RALA: variants seen among roughly 807,000 people sequenced by gnomAD.
RALA encodes the protein ras-related protein Ral-A.
A neutral mutation model predicts 24.0 loss-of-function variants in RALA; 5 were observed. That is an observed-to-expected ratio of 0.21 (90% confidence interval 0.11 to 0.44). The LOEUF (loss-of-function observed/expected upper bound fraction) is 0.44. Ranked by LOEUF, RALA falls within the 20% of genes least tolerant of loss-of-function variation. The pLI, the probability that RALA is intolerant of heterozygous loss-of-function variation, is 0.99. For missense variants in RALA, 95 were observed against 241.2 expected, an observed-to-expected ratio of 0.39 and a Z score of 4.01; for synonymous variants, 77 against 83.8, an observed-to-expected ratio of 0.92 and a Z score of 0.44.
chr7:39,680,964 C>T (rs1792585521), intron 1 of RALA, among the ~76,000 whole-genome samples: 2 of 152,284 alleles, frequency 1.3e-5, no homozygotes, highest in South Asian at 4.1e-4. Flanking sequence ...AATAAATCTA[C>T]CTGCAGCCGG....
chr7:39,644,003 T>TA (rs1791884138), intron 1 of RALA, among the ~76,000 whole-genome samples: 3 of 152,318 alleles, frequency 2.0e-5, no homozygotes, highest in South Asian at 4.1e-4. Context: ...TTAATACATA[T>TA]AATGACTCCA....
At chr7:39,694,134 T>C (rs1409429832) in intron 3 of RALA, among the ~76,000 whole-genome samples, 1 of 152,258 alleles carries the variant, frequency 6.6e-6, no homozygotes. Flanking sequence ...CTGGATTTCA[T>C]AGATTATAAG....
chr7:39,679,422 T>A (rs887640402), intron 1 of RALA, among the ~76,000 whole-genome samples: 1 of 152,182 alleles, frequency 6.6e-6, no homozygotes, highest in African/African-American at 2.4e-5. Context: ...AACATACAGT[T>A]ATCAGTTTGG....
At chr7:39,625,997 A>C (rs149357835) in intron 1 of RALA, among the ~76,000 whole-genome samples, 108 of 152,338 alleles carry the variant, frequency 7.1e-4, no homozygotes, top group Admixed American at 4.7e-3. Flanking sequence ...AATTACTTTT[A>C]AAATACTGGA....
intron 4 of RALA, chr7:39,703,415 A>G (rs1320413999): frequency 1.3e-5 from 2 of 152,128 alleles, no homozygotes; most frequent in African/African-American, 4.8e-5. Context: ...TGTGTTTTAT[A>G]CTTTTTTCCC....
intron 1 of RALA, among the ~76,000 whole-genome samples, chr7:39,626,621 G>C (rs1163710434): frequency 2.0e-5 from 3 of 152,222 alleles, no homozygotes; most frequent in Non-Finnish European, 2.9e-5. Context: ...CACCGTCCAT[G>C]TGTGCCATGA....
intron 1 of RALA, among the ~76,000 whole-genome samples, chr7:39,634,328 G>T (rs1176365210): frequency 6.6e-6 from 1 of 152,122 alleles, no homozygotes; most frequent in Non-Finnish European, 1.5e-5. Flanking sequence ...TGCCTCACTG[G>T]TATGAAATTC....
chr7:39,659,225 G>T (rs1792144477), intron 1 of RALA, among the ~76,000 whole-genome samples: 1 of 152,156 alleles, frequency 6.6e-6, no homozygotes, highest in African/African-American at 2.4e-5. Flanking sequence ...GCTGCAGTGA[G>T]CTGAGATTGC....
chr7:39,701,484 C>G (rs1436307720), intron 4 of RALA, among the ~76,000 whole-genome samples: 2 of 152,270 alleles, frequency 1.3e-5, no homozygotes, highest in East Asian at 3.9e-4. Flanking sequence ...TACCCTCCAG[C>G]CTGGGTAATG....
intron 4 of RALA, 62 bp from the exon 5 acceptor site, chr7:39,706,061 T>C: frequency 1.4e-6 from 2 of 1,445,868 alleles, no homozygotes; most frequent in South Asian, 2.5e-5. Context: ...CTGCTGTGAT[T>C]TGGAGAAGTA....
At chr7:39,671,306 G>T (rs1457157087) in intron 1 of RALA, among the ~76,000 whole-genome samples, 1 of 151,952 alleles carries the variant, frequency 6.6e-6, no homozygotes, top group Non-Finnish European at 1.5e-5. Flanking sequence ...TCACCCCAAG[G>T]TTCACTTAAT....
At chr7:39,633,231 T>C (rs1262262914) in intron 1 of RALA, among the ~76,000 whole-genome samples, 2 of 152,246 alleles carry the variant, frequency 1.3e-5, no homozygotes, top group African/African-American at 4.8e-5. Context: ...TGTTAGTCTG[T>C]TCTCGCACTG....
chr7:39,681,761 G>A (rs1355406035), intron 1 of RALA, among the ~76,000 whole-genome samples: 1 of 152,034 alleles, frequency 6.6e-6, no homozygotes, highest in Non-Finnish European at 1.5e-5. Flanking sequence ...TCTGTAAACT[G>A]ACGTGCAATT....
At chr7:39,651,983 C>T (rs1792025371) in intron 1 of RALA, among the ~76,000 whole-genome samples, 1 of 152,180 alleles carries the variant, frequency 6.6e-6, no homozygotes, top group Non-Finnish European at 1.5e-5. Flanking sequence ...GCTGCTAGAG[C>T]AAAGTACCAC....
intron 4 of RALA, chr7:39,697,304 C>T (rs534391116): frequency 4.4e-6 from 2 of 451,100 alleles, no homozygotes; most frequent in Middle Eastern, 3.3e-4. Context: ...AAAATCTCTC[C>T]TGCCACTCTC....
intron 1 of RALA, among the ~76,000 whole-genome samples, chr7:39,680,076 G>A (rs1405916611): frequency 2.6e-5 from 4 of 152,014 alleles, no homozygotes; most frequent in African/African-American, 7.2e-5. Context: ...CCCACTCTAA[G>A]GTTATGAAAC....
chr7:39,638,311 A>G (rs988590235), intron 1 of RALA, among the ~76,000 whole-genome samples: 2 of 152,204 alleles, frequency 1.3e-5, no homozygotes, highest in African/African-American at 2.4e-5. Context: ...TAAGGTTATA[A>G]TAGGGATCTT....
chr7:39,680,258 A>G (rs1346862523), intron 1 of RALA, among the ~76,000 whole-genome samples: 1 of 151,790 alleles, frequency 6.6e-6, no homozygotes, highest in African/African-American at 2.4e-5. Context: ...AGTCCCAGCT[A>G]CTCGGGAGGC....
At position 39,706,213 on chromosome 7, in the gene RALA, A is replaced by C. The variant is rs1008860129; in HGVS notation, c.589A>C (p.Lys197Gln). The change falls in exon 5 of 5, where the codon AAG becomes CAG. Residue 197 changes from lysine (K) to glutamine (Q), a missense_variant. Coordinates refer to ENST00000005257, the MANE Select transcript of RALA (RefSeq NM_005402.4). ...NGKKKRKSLAKRIRERCCIL is the reference protein window; with the variant it reads ...NGKKKRKSLAQRIRERCCIL ...AAAAAAGAAGAGGAAAAGTTTAGCC[A>C]AGAGAATCAGAGAAAGATGCTGCAT... The C allele has an allele frequency of 2.5e-6, 4 of 1,609,746 alleles. No homozygotes were observed. In the African/African-American group the frequency reaches 5.4e-5, roughly 22 times the overall value.
Sources: gnomAD v4.1 joint callset for allele counts (sites outside exome capture counted in the v4.1 genomes callset) on GRCh38, gnomAD v4.1.1 for gene constraint, MANE v1.5 for transcripts, NCBI Gene and HGNC (gene_info 2026-07-23, HGNC 2026-07-21) for gene names.